CFAP47: variants seen among roughly 807,000 people sequenced by gnomAD.
CFAP47 encodes cilia and flagella associated protein 47.
In CFAP47, 29 loss-of-function variants were observed where a neutral mutation model predicts 148.1. The observed-to-expected ratio is 0.20, with a 90% CI of 0.15 to 0.27. The LOEUF is 0.27. Ranked by LOEUF, CFAP47 falls within the 10% of genes least tolerant of loss-of-function variation. The pLI, the probability that CFAP47 is intolerant of heterozygous loss-of-function variation, is 1.00. For missense variants in CFAP47, 1,872 were observed against 1,697.5 expected (o/e 1.10, Z -1.81); for synonymous variants, 664 against 577.3 (o/e 1.15, Z -2.15).
chrX:35,974,030 A>T (rs1176215832), intron 13 of CFAP47, among the ~76,000 whole-genome samples: 1 of 112,125 alleles, frequency 8.9e-6, no homozygotes, highest in African/African-American at 3.2e-5. Flanking sequence ...TCTCATAGAG[A>T]TTACATTTGG....
intron 46 of CFAP47, among the ~76,000 whole-genome samples, chrX:36,231,336 T>G (rs1172347126): frequency 1.9e-5 from 2 of 105,700 alleles, no homozygotes. Flanking sequence ...ACATCCCTTG[T>G]AAGTTGGATT....
At chrX:36,246,949 A>G (rs1180637029) in intron 48 of CFAP47, among the ~76,000 whole-genome samples, 2 of 110,737 alleles carry the variant, frequency 1.8e-5, no homozygotes, top group African/African-American at 6.6e-5. Context: ...AAAACAAATC[A>G]CTCTACCAAA....
At chrX:36,381,363 C>T (rs1556024120) in intron 63 of CFAP47, among the ~76,000 whole-genome samples, 2 of 111,521 alleles carry the variant, frequency 1.8e-5, no homozygotes, top group African/African-American at 6.5e-5. Context: ...AAAGCATTAT[C>T]CAAATAAAAA....
At chrX:36,307,413 C>T (rs1287021585) in intron 55 of CFAP47, among the ~76,000 whole-genome samples, 1 of 110,871 alleles carries the variant, frequency 9.0e-6, no homozygotes, top group Non-Finnish European at 1.9e-5. Context: ...CTACTTTATG[C>T]ATCAGGAATC....
At chrX:35,922,797 T>C (rs1468568441) in intron 1 of CFAP47, among the ~76,000 whole-genome samples, 1 of 112,424 alleles carries the variant, frequency 8.9e-6, no homozygotes, top group Non-Finnish European at 1.9e-5. Context: ...TGAATAATCA[T>C]TTTCAACATA....
intron 15 of CFAP47, among the ~76,000 whole-genome samples, chrX:35,984,903 A>G (rs1242346000): frequency 9.0e-6 from 1 of 111,128 alleles, no homozygotes; most frequent in Non-Finnish European, 1.9e-5. Context: ...AGATGAGAGG[A>G]ATGTATACTC....
At chrX:36,116,419 G>A (rs766306083) in intron 33 of CFAP47, among the ~76,000 whole-genome samples, 1 of 111,931 alleles carries the variant, frequency 8.9e-6, no homozygotes, top group Non-Finnish European at 1.9e-5. Context: ...GCTGGGTGTG[G>A]TTCGAATTTC....
At chrX:36,121,341 G>A (rs189243914) in intron 33 of CFAP47, among the ~76,000 whole-genome samples, 1 of 110,702 alleles carries the variant, frequency 9.0e-6, no homozygotes, top group African/African-American at 3.3e-5. Flanking sequence ...ATTGATTGGA[G>A]AGTTTAATTA....
chrX:36,278,910 A>T (rs1941047704), intron 49 of CFAP47, among the ~76,000 whole-genome samples: 1 of 111,945 alleles, frequency 8.9e-6, no homozygotes, highest in Non-Finnish European at 1.9e-5. Context: ...ATTGTACAGG[A>T]CATGTCTAAA....
At chrX:36,068,010 C>T (rs1314765385) in intron 27 of CFAP47, among the ~76,000 whole-genome samples, 2 of 111,778 alleles carry the variant, frequency 1.8e-5, no homozygotes, top group Non-Finnish European at 1.9e-5. Flanking sequence ...TAAAATCTTT[C>T]CATAGAATAT....
rs1251348377 is a variant in CFAP47, at chrX:36,201,409, G to A, written c.6572G>A (p.Ser2191Asn). Residue 2191 changes from serine to asparagine, a missense_variant, in exon 44 of 64, where the codon AGT (serine) becomes AAT (asparagine). By Grantham distance (46) the Ser-to-Asn change is conservative. Transcript: ENST00000378653. ...LAFAAQQQMS[S>N]IEYERRLITG... The stretch of plus-strand genomic sequence containing the variant: ...TTTGCAGCACAGCAACAGATGTCGA[G>A]TATTGAGTATGAGCGAAGGTTGATC... The A allele has an allele frequency of 3.4e-6, 1 of 295,233 alleles. No homozygotes were observed. Among genetic ancestry groups the A allele is most frequent in the Non-Finnish European group, 5.9e-6 (1 of 169,736 alleles). 24.3% of individuals were successfully genotyped at this position (295,233 alleles called of 1,213,427 possible).
At chrX:35,955,863 A>G (rs1936237192) in intron 7 of CFAP47, 98 bp from the exon 8 acceptor site, 7 of 1,111,563 alleles carry the variant, frequency 6.3e-6, no homozygotes, top group Non-Finnish European at 8.4e-6. Context: ...GAGCTACCCA[A>G]TTTGCATTAG....
At chrX:35,937,090 T>C (rs1935925623) in intron 2 of CFAP47, among the ~76,000 whole-genome samples, 1 of 101,607 alleles carries the variant, frequency 9.8e-6, no homozygotes, top group African/African-American at 3.6e-5. Context: ...CAGATATAGC[T>C]GCTTGCAATT....
chrX:36,070,666 A>AT (rs1286264211), intron 27 of CFAP47, among the ~76,000 whole-genome samples: 1 of 109,436 alleles, frequency 9.1e-6, no homozygotes, highest in African/African-American at 3.3e-5. Context: ...TAATTTTTGT[A>AT]TTTTTACTAG....
At chrX:36,037,879 A>C (rs1937356988) in intron 24 of CFAP47, among the ~76,000 whole-genome samples, 1 of 111,776 alleles carries the variant, frequency 8.9e-6, no homozygotes, top group African/African-American at 3.3e-5. Context: ...ACATTCTCTT[A>C]TAGCTTATTT....
intron 49 of CFAP47, among the ~76,000 whole-genome samples, chrX:36,266,779 A>G (rs914467349): frequency 3.6e-5 from 4 of 110,589 alleles, no homozygotes; most frequent in African/African-American, 6.6e-5. Flanking sequence ...GGTCCTATGG[A>G]AAAGACAGCC....
chrX:35,940,064 C>T (rs1272890078), intron 2 of CFAP47, among the ~76,000 whole-genome samples: 49 of 111,423 alleles, frequency 4.4e-4, no homozygotes, highest in African/African-American at 1.6e-3. Context: ...AGCATTTTTT[C>T]ATGTGTTTTT....
At chrX:35,995,297 T>A (rs769888313) in intron 18 of CFAP47, among the ~76,000 whole-genome samples, 1 of 111,736 alleles carries the variant, frequency 8.9e-6, no homozygotes, top group African/African-American at 3.2e-5. Context: ...ATGACCCGTG[T>A]AAGTTTTAGA....
intron 28 of CFAP47, among the ~76,000 whole-genome samples, chrX:36,072,576 C>T (rs1489375988): frequency 1.8e-5 from 2 of 111,552 alleles, no homozygotes; most frequent in Non-Finnish European, 3.8e-5. Context: ...ATGGACCAAA[C>T]CAAATTAAAT....
Sources: allele counts gnomAD v4.1 joint callset (sites outside exome capture counted in the v4.1 genomes callset), GRCh38; gene constraint gnomAD v4.1.1; transcripts MANE v1.5; gene names NCBI Gene and HGNC (gene_info 2026-07-23, HGNC 2026-07-21).